GPC5: variants seen among roughly 807,000 people sequenced by gnomAD.
GPC5 encodes glypican 5.
GPC5 carries 47 observed loss-of-function variants against 53.9 expected under a neutral mutation model. That is an observed-to-expected ratio of 0.87 (90% CI 0.69 to 1.11). The LOEUF is 1.11. GPC5 is among the 50% of genes most tolerant of loss of function. The pLI is 0.00. For synonymous variants in GPC5, 286 were observed against 263.3 expected, an observed-to-expected ratio of 1.09 and a Z score of -0.84; for missense variants, 748 against 713.1, an observed-to-expected ratio of 1.05 and a Z score of -0.56.
chr13:91,733,802 A>G (rs1358808829), intron 4 of GPC5, among the ~76,000 whole-genome samples: 2 of 152,150 alleles, frequency 1.3e-5, no homozygotes, highest in Non-Finnish European at 2.9e-5. Context: ...CTGTCTTCCC[A>G]TCTGAATACC....
intron 7 of GPC5, among the ~76,000 whole-genome samples, chr13:92,807,152 T>A (rs957776733): frequency 2.0e-5 from 3 of 152,124 alleles, no homozygotes; most frequent in Non-Finnish European, 1.5e-5. Flanking sequence ...CAGCACCATA[T>A]AAAGATTTTG....
intron 7 of GPC5, among the ~76,000 whole-genome samples, chr13:92,691,359 T>C (rs1887385263): frequency 7.0e-6 from 1 of 141,930 alleles, no homozygotes; most frequent in South Asian, 2.5e-4. Context: ...TTTCTTTGAC[T>C]CGGAAAGGGA....
chr13:92,429,031 T>C (rs1006680336), intron 7 of GPC5, among the ~76,000 whole-genome samples: 2 of 152,052 alleles, frequency 1.3e-5, no homozygotes, highest in African/African-American at 4.8e-5. Flanking sequence ...GATATTAATT[T>C]CATGCATTAC....
At chr13:91,487,331 A>C (rs1005785529) in intron 2 of GPC5, among the ~76,000 whole-genome samples, 6 of 152,198 alleles carry the variant, frequency 3.9e-5, no homozygotes, top group Admixed American at 3.9e-4. Flanking sequence ...GATGCTGAAG[A>C]TGGAAATTAA....
rs16947897 is a variant in GPC5 at position 92,786,156 on chromosome 13, C to T, written c.1562-80126C>T. On this transcript the variant is annotated intron_variant, in intron 7 of 7. Transcript: ENST00000377067. ...ATGATCACACAAAATCTTTATATTGCTAAGCCACGGCTCTTTACATTAAGG... is the reference window on the plus strand; with the variant it reads ...ATGATCACACAAAATCTTTATATTGTTAAGCCACGGCTCTTTACATTAAGG... 2.1e-3 allele frequency among the ~76,000 whole-genome samples: 320 copies of T among 152,158 alleles called. 1 individual carries two copies. The highest frequency in any genetic ancestry group is 6.9e-3 in the African/African-American group (288 of 41,522).
chr13:92,669,538 C>T (rs1269192207), intron 7 of GPC5, among the ~76,000 whole-genome samples: 1 of 152,156 alleles, frequency 6.6e-6, no homozygotes, highest in Non-Finnish European at 1.5e-5. Context: ...GTGGATGCTG[C>T]CCAGATGTCC....
chr13:92,416,787 A>G (rs1478397469), intron 7 of GPC5, among the ~76,000 whole-genome samples: 1 of 152,220 alleles, frequency 6.6e-6, no homozygotes, highest in Non-Finnish European at 1.5e-5. Context: ...AAAACAACTC[A>G]CAATGTGGGA....
intron 7 of GPC5, among the ~76,000 whole-genome samples, chr13:92,223,777 A>T (rs1195397230): frequency 2.0e-5 from 3 of 152,304 alleles, no homozygotes; most frequent in East Asian, 3.9e-4. Context: ...TTCATAAAAG[A>T]TCAAACTTTT....
chr13:92,407,884 A>G (rs1875861414), intron 7 of GPC5, among the ~76,000 whole-genome samples: 3 of 152,246 alleles, frequency 2.0e-5, no homozygotes, highest in Admixed American at 2.0e-4. Flanking sequence ...ATAGAAGTTT[A>G]GGAAAATAAC....
intron 7 of GPC5, among the ~76,000 whole-genome samples, chr13:92,692,893 C>A (rs754190400): frequency 7.3e-5 from 11 of 151,384 alleles, no homozygotes; most frequent in Non-Finnish European, 1.6e-4. Flanking sequence ...GCGTCCCCAC[C>A]CAAATCTCAT....
At chr13:91,497,037 C>G (rs1390781721) in intron 2 of GPC5, among the ~76,000 whole-genome samples, 1 of 151,844 alleles carries the variant, frequency 6.6e-6, no homozygotes, top group Admixed American at 6.6e-5. Flanking sequence ...TATATACGTG[C>G]AAAAATTAAT....
chr13:92,095,932 G>A (rs1246031190), intron 6 of GPC5, among the ~76,000 whole-genome samples: 3 of 152,130 alleles, frequency 2.0e-5, no homozygotes, highest in African/African-American at 4.8e-5. Flanking sequence ...TGACAAGTGT[G>A]GATACATTAT....
chr13:92,817,326 A>G (rs1048324761), intron 7 of GPC5, among the ~76,000 whole-genome samples: 4 of 151,988 alleles, frequency 2.6e-5, no homozygotes, highest in African/African-American at 7.3e-5. Context: ...TACAATTCCA[A>G]TTGCCTAGAA....
intron 5 of GPC5, among the ~76,000 whole-genome samples, chr13:91,815,558 T>C (rs1302059684): frequency 1.3e-5 from 2 of 152,212 alleles, no homozygotes; most frequent in Middle Eastern, 3.2e-3. Context: ...ATAAATCATC[T>C]GACTCAAATA....
At chr13:91,828,021 A>G (rs187736562) in intron 5 of GPC5, among the ~76,000 whole-genome samples, 8 of 152,208 alleles carry the variant, frequency 5.3e-5, no homozygotes, top group Non-Finnish European at 1.2e-4. Context: ...CAAACTAGTG[A>G]TAGATGCAAC....
chr13:92,000,643 C>T (rs909340704), intron 6 of GPC5, among the ~76,000 whole-genome samples: 6 of 152,152 alleles, frequency 3.9e-5, no homozygotes, highest in South Asian at 2.1e-4. Flanking sequence ...ATGCTGTCTG[C>T]GTGCCCTGCT....
Position 91,892,719 on chromosome 13 carries a change from G to A in GPC5, c.1281-15218G>A, listed in dbSNP as rs148936242. On this transcript the variant is annotated intron_variant, in intron 5 of 7. Coordinates refer to ENST00000377067, the MANE Select transcript of GPC5 (RefSeq NM_004466.6). ...TATTTAGACTTTCTATAAAATATAG[G>A]AAGCCAGTAACAAAATTATATTTAT... Among the ~76,000 whole-genome samples the A allele has an allele frequency of 9.0e-3, 1,372 of 151,766 alleles. 10 individuals are homozygous for A. Among genetic ancestry groups the A allele is most frequent in the South Asian group, 0.021 (102 of 4,808 alleles).
At chr13:91,950,343 C>T (rs1210189052) in intron 6 of GPC5, among the ~76,000 whole-genome samples, 2 of 149,370 alleles carry the variant, frequency 1.3e-5, no homozygotes, top group African/African-American at 4.9e-5. Flanking sequence ...TTCTCTGCTC[C>T]CCTCCCTCCT....
chr13:91,431,335 C>T (rs185788624), intron 1 of GPC5, among the ~76,000 whole-genome samples: 107 of 152,272 alleles, frequency 7.0e-4, no homozygotes, highest in African/African-American at 2.5e-3. Context: ...CTGGATTTTC[C>T]ACTCTTGTGT....
Sources: gnomAD v4.1 joint callset for allele counts (sites outside exome capture counted in the v4.1 genomes callset) on GRCh38, gnomAD v4.1.1 for gene constraint, MANE v1.5 for transcripts, NCBI Gene and HGNC (gene_info 2026-07-23, HGNC 2026-07-21) for gene names.